Variants in RECQL observed in about 807,000 individuals in gnomAD.
RECQL encodes RecQ like helicase, also known as ATP-dependent DNA helicase Q1.
Under a neutral mutation model 75.8 loss-of-function variants are expected in RECQL, and 73 were observed. The observed-to-expected ratio is 0.96, with a 90% CI of 0.80 to 1.17. The LOEUF (loss-of-function observed/expected upper bound fraction) is 1.17. RECQL is among the 50% of genes most tolerant of loss of function. RECQL has a pLI of 0.00. For synonymous variants in RECQL, 248 were observed against 254.4 expected (o/e 0.97, Z 0.24); for missense variants, 699 against 772.1 (o/e 0.91, Z 1.12).
intron 2 of RECQL, among the ~76,000 whole-genome samples, chr12:21,495,339 G>A (rs1231371802): frequency 2.6e-5 from 4 of 152,218 alleles, no homozygotes; most frequent in Non-Finnish European, 5.9e-5. Context: ...GCTCACGCCT[G>A]TAATCCCAGC....
chr12:21,482,299 T>C (rs1184984468), intron 6 of RECQL, among the ~76,000 whole-genome samples: 1 of 150,788 alleles, frequency 6.6e-6, no homozygotes, highest in Non-Finnish European at 1.5e-5. Flanking sequence ...TGTTTGAAAG[T>C]AGAAAGAGGA....
Position 21,477,000 on chromosome 12 carries a change from A to C in RECQL, c.868-8T>G, listed in dbSNP as rs1440978407. 2 of 1,598,850 alleles carry C rather than the reference A, an allele frequency of 1.3e-6. No individual in the cohort carries two copies. The highest frequency in any genetic ancestry group is 1.7e-6 in the Non-Finnish European group (2 of 1,173,050). ...TGAGGGCTTCTGCCGAACCTAAAAA[A>C]AACTTAACTTATTAAAAAGTAAATG... On this transcript the variant is annotated splice_region_variant and splice_polypyrimidine_tract_variant and intron_variant, in intron 7 of 14. Transcript: ENST00000444129.
At chr12:21,496,123 C>T (rs569604706) in intron 2 of RECQL, among the ~76,000 whole-genome samples, 6 of 152,220 alleles carry the variant, frequency 3.9e-5, no homozygotes, top group African/African-American at 9.7e-5. Context: ...CCTACATCAA[C>T]GGCATGAAAG....
At chr12:21,475,149 A>G (rs1943058345) in intron 10 of RECQL, among the ~76,000 whole-genome samples, 170 bp from the exon 11 acceptor site, 2 of 152,090 alleles carry the variant, frequency 1.3e-5, no homozygotes, top group Admixed American at 6.6e-5. Flanking sequence ...AACTCTAAAG[A>G]GACATCAATA....
chr12:21,489,775 G>A (rs1027389573), intron 4 of RECQL, among the ~76,000 whole-genome samples: 1 of 152,180 alleles, frequency 6.6e-6, no homozygotes, highest in African/African-American at 2.4e-5. Context: ...AAAGCTAGAA[G>A]AGAGGATTTT....
rs767718965 is a variant in RECQL, at chr12:21,471,444, T to C, written c.1651A>G (p.Ile551Val). Residue 551 changes from isoleucine to valine, a missense_variant, in exon 13 of 15, where the codon ATA becomes GTA. This residue lies in a region of RECQL where 669 missense variants were observed against 713.5 expected (regional missense o/e 0.94). Transcript: ENST00000444129. Reference protein sequence around the residue: ...DLEKIIAHFLIQQYLKEDYSF... With the variant: ...DLEKIIAHFLVQQYLKEDYSF... ...TGTACATACTTAAGATACTGCTGTA[T>C]TAGAAAGTGTGCAATAATCTTCTCC... is the stretch of plus-strand genomic sequence containing the variant. 5.8e-5 allele frequency: 93 copies of C among 1,612,472 alleles called. No homozygotes were observed. The South Asian group carries it at 9.6e-4, about 17-fold the overall frequency.
intron 5 of RECQL, among the ~76,000 whole-genome samples, chr12:21,485,038 A>G (rs1346773938): frequency 6.6e-6 from 1 of 151,998 alleles, no homozygotes; most frequent in Non-Finnish European, 1.5e-5. Context: ...GCACCTCCCT[A>G]ATGAAATCAT....
Position 21,477,834 on chromosome 12 carries a change from G to A in RECQL, c.836C>T (p.Ala279Val). 6.2e-7 allele frequency: 1 copy of A among 1,612,864 alleles called. No individual in the cohort carries two copies. Among genetic ancestry groups the A allele is most frequent in the South Asian group, 1.1e-5 (1 of 90,754 alleles). ...LCIEKCFTFT[A>V]SFNRPNLYYE... ...ATATAGATTTGGCCTATTAAAAGAA[G>A]CTGTAAAAGTAAAACACTTTTCAAT... Residue 279 changes from alanine (A) to valine (V), a missense_variant, in exon 7 of 15, where the codon GCT becomes GTT. Around this residue, in one of 2 missense-constraint regions of RECQL, gnomAD observed 669 missense variants for 713.5 expected, o/e 0.94. Transcript: ENST00000444129.
rs770389833 is a variant in RECQL, at chr12:21,486,596, A to G, written c.395-11T>C. 39 of 1,112,644 alleles carry G rather than the reference A, an allele frequency of 3.5e-5. No individual in the cohort carries two copies. Among genetic ancestry groups the G allele is most frequent in the South Asian group, 1.3e-4 (7 of 54,548 alleles). 68.9% of individuals were successfully genotyped at this position (1,112,644 alleles called of 1,614,324 possible). On this transcript the variant is annotated splice_polypyrimidine_tract_variant and intron_variant, in intron 4 of 14. Transcript: ENST00000444129. ...TGACGAGTGTAAAACCTAAAAGAGA[A>G]AAAAAAAAAAATCTACCTTAAACTT...
At chr12:21,501,050 C>CTAAA (rs566683146) in intron 1 of RECQL, 120 bp downstream of exon 1, 80 of 152,272 alleles carry the variant, frequency 5.3e-4, no homozygotes, top group African/African-American at 1.9e-3. Flanking sequence ...ATACCATAGG[C>CTAAA]TAAATCCTCT....
intron 10 of RECQL, 57 bp from the exon 11 acceptor site, chr12:21,475,036 A>G: frequency 6.5e-7 from 1 of 1,548,346 alleles, no homozygotes; most frequent in Non-Finnish European, 8.8e-7. Flanking sequence ...CAAAATATGC[A>G]AAAATGACAT....
chr12:21,499,531 G>A (rs900583155), intron 2 of RECQL, 24 bp downstream of exon 2: 1 of 1,560,576 alleles, frequency 6.4e-7, no homozygotes, highest in Non-Finnish European at 8.7e-7. Flanking sequence ...GAAGGAAGAA[G>A]AAAATGTAAT....
chr12:21,470,140 A>G lies in RECQL; in HGVS notation c.*54T>C, dbSNP rs1350278045. Reference sequence around the variant, plus strand: ...AAACTATTGTCTAACTACAAAAATAATGGCATATACATGCATAAACCATCT... The same window carrying G: ...AAACTATTGTCTAACTACAAAAATAGTGGCATATACATGCATAAACCATCT... On this transcript the variant is annotated 3_prime_UTR_variant, in exon 15 of 15. Coordinates refer to ENST00000444129, the MANE Select transcript of RECQL (RefSeq NM_002907.4). 6.3e-7 allele frequency: 1 copy of G among 1,577,592 alleles called. No homozygotes were observed. The highest frequency in any genetic ancestry group is 1.4e-5 in the African/African-American group (1 of 72,948).
At chr12:21,493,947 A>G (rs1278150700) in intron 2 of RECQL, among the ~76,000 whole-genome samples, 1 of 152,220 alleles carries the variant, frequency 6.6e-6, no homozygotes, top group Non-Finnish European at 1.5e-5. Context: ...TCCATTTTGC[A>G]TTGATATAAA....
At chr12:21,483,654 T>C in intron 5 of RECQL, 80 bp from the exon 6 acceptor site, 1 of 1,025,984 alleles carries the variant, frequency 9.7e-7, no homozygotes, top group Non-Finnish European at 1.4e-6. Context: ...ATGAAAACGT[T>C]CATTTCTCCA....
chr12:21,474,276 A>C (rs1943039146), intron 11 of RECQL, among the ~76,000 whole-genome samples: 1 of 152,042 alleles, frequency 6.6e-6, no homozygotes, highest in Non-Finnish European at 1.5e-5. Context: ...ATTGGAAAGA[A>C]AGAACATTTC....
At chr12:21,487,030 G>T (rs1329932842) in intron 4 of RECQL, among the ~76,000 whole-genome samples, 1 of 152,094 alleles carries the variant, frequency 6.6e-6, no homozygotes, top group Admixed American at 6.6e-5. Context: ...TTTTAATGCA[G>T]CTTTAGTAAA....
At chr12:21,491,224 AT>A (rs1454829916) in intron 3 of RECQL, among the ~76,000 whole-genome samples, 2 of 152,066 alleles carry the variant, frequency 1.3e-5, no homozygotes, top group Admixed American at 6.6e-5. Flanking sequence ...AGGAGTTTGA[AT>A]TTTTTTTCTT....
At chr12:21,491,751 G>A (rs1320804861) in intron 2 of RECQL, 35 bp from the exon 3 acceptor site, 1 of 1,543,820 alleles carries the variant, frequency 6.5e-7, no homozygotes. Flanking sequence ...TGATTAGACA[G>A]AGTAAATTAC....
Sources: gnomAD v4.1 joint callset for allele counts (sites outside exome capture counted in the v4.1 genomes callset) on GRCh38, gnomAD v4.1.1 for gene constraint, gnomAD v4.1.1 regional missense constraint, MANE v1.5 for transcripts, NCBI Gene and HGNC (gene_info 2026-07-23, HGNC 2026-07-21) for gene names.